FOXN3: variants seen among roughly 807,000 people sequenced by gnomAD.
FOXN3 encodes the protein forkhead box N3.
Under a neutral mutation model 38.4 loss-of-function variants are expected in FOXN3, and 7 were observed. The ratio of observed to expected loss-of-function variants is 0.18; its 90% confidence interval spans 0.10 to 0.34. The LOEUF (loss-of-function observed/expected upper bound fraction) is 0.34, where lower values mean the gene tolerates loss of function less well. Among genes scored for constraint, FOXN3 ranks in the 10% least tolerant of loss-of-function variants. FOXN3 has a pLI of 1.00. For missense variants in FOXN3, 456 were observed against 613.4 expected, an observed-to-expected ratio of 0.74 and a Z score of 2.71; for synonymous variants, 230 against 242.2, an observed-to-expected ratio of 0.95 and a Z score of 0.47.
At chr14:89,572,683 A>G (rs1325214391) in intron 1 of FOXN3, among the ~76,000 whole-genome samples, 1 of 152,274 alleles carries the variant, frequency 6.6e-6, no homozygotes, top group East Asian at 1.9e-4. Flanking sequence ...ACAAAGATGC[A>G]GAGTGCTGGT....
At chr14:89,363,987 T>TATATATATATATATATATATATATAA (rs1890041958) in intron 2 of FOXN3, among the ~76,000 whole-genome samples, 2 of 67,172 alleles carry the variant, frequency 3.0e-5, no homozygotes, top group African/African-American at 7.7e-5. Flanking sequence ...TATATATATA[T>TATATATATATATATATATATATATAA]AATATATATA....
chr14:89,582,267 C>T (rs575617484), intron 1 of FOXN3, among the ~76,000 whole-genome samples: 2 of 152,272 alleles, frequency 1.3e-5, no homozygotes, highest in Admixed American at 6.5e-5. Context: ...ACACATCAGA[C>T]GCCCCAAACT....
intron 1 of FOXN3, among the ~76,000 whole-genome samples, chr14:89,549,116 C>CT (rs1303069133): frequency 7.1e-6 from 1 of 141,042 alleles, no homozygotes; most frequent in Non-Finnish European, 1.5e-5. Context: ...GAGACTCCAT[C>CT]TAAAAAAAAA....
chr14:89,571,461 A>T lies in FOXN3; in HGVS notation c.-15+47567T>A, dbSNP rs906771779. ...GAGGTGGAGGTTGCAGCGAGCCGAG[A>T]TTGTGCCACTACACTCCAGCCTGGG... On this transcript the variant is annotated intron_variant, in intron 1 of 6. Transcript: ENST00000345097. Among the ~76,000 whole-genome samples the T allele has an allele frequency of 3.3e-5, 5 of 151,388 alleles. No individual in the cohort carries two copies. The South Asian group carries it at 6.3e-4, about 19-fold the overall frequency.
chr14:89,299,448 T>A (rs1887150565), intron 3 of FOXN3, among the ~76,000 whole-genome samples: 1 of 152,240 alleles, frequency 6.6e-6, no homozygotes, highest in Non-Finnish European at 1.5e-5. Flanking sequence ...ATCAGCAGCA[T>A]GAGAACAGAC....
chr14:89,505,819 T>C (rs1893909944), intron 1 of FOXN3, among the ~76,000 whole-genome samples: 1 of 150,390 alleles, frequency 6.6e-6, no homozygotes, highest in Admixed American at 6.6e-5. Flanking sequence ...CCATCCCATC[T>C]AGGAAGTGAG....
chr14:89,267,459 G>C (rs1301362974), intron 4 of FOXN3, among the ~76,000 whole-genome samples: 3 of 152,192 alleles, frequency 2.0e-5, no homozygotes, highest in Non-Finnish European at 4.4e-5. Context: ...CGGTGCTCTG[G>C]CTGGGGGAGG....
At chr14:89,395,332 C>T (rs1891072197) in intron 2 of FOXN3, among the ~76,000 whole-genome samples, 1 of 152,158 alleles carries the variant, frequency 6.6e-6, no homozygotes, top group Non-Finnish European at 1.5e-5. Flanking sequence ...AGAAGGTTTA[C>T]TGAATTGAAT....
Position 89,178,929 on chromosome 14 carries a change from C to T in FOXN3, c.851+1772G>A, listed in dbSNP as rs750252539. Among the ~76,000 whole-genome samples the T allele has an allele frequency of 7.9e-5, 12 of 152,216 alleles. No homozygotes were observed. The South Asian group carries it at 1.0e-3, about 13-fold the overall frequency. On this transcript the variant is annotated intron_variant, in intron 5 of 5. Transcript: ENST00000557258. The stretch of plus-strand genomic sequence containing the variant: ...CTGCTAATAAAAATACATTGTTGCT[C>T]CAAGCAAAAATAGTTCACAGTCTCC...
chr14:89,396,137 A>C (rs1891092869), intron 2 of FOXN3, among the ~76,000 whole-genome samples: 1 of 152,256 alleles, frequency 6.6e-6, no homozygotes, highest in Non-Finnish European at 1.5e-5. Context: ...TATAGGTTAA[A>C]GCATACTCTC....
intron 1 of FOXN3, among the ~76,000 whole-genome samples, chr14:89,544,609 A>G (rs2139853309): frequency 6.6e-6 from 1 of 152,304 alleles, no homozygotes; most frequent in Admixed American, 6.5e-5. Context: ...ATCAGGACAT[A>G]AAGTAAAATG....
At chr14:89,358,669 CA>C (rs1471380392) in intron 2 of FOXN3, among the ~76,000 whole-genome samples, 1 of 152,196 alleles carries the variant, frequency 6.6e-6, no homozygotes, top group Admixed American at 6.5e-5. Context: ...AATTAGAATA[CA>C]TGGGTCCTCA....
At chr14:89,300,722 C>T (rs1290900235) in intron 3 of FOXN3, among the ~76,000 whole-genome samples, 1 of 152,198 alleles carries the variant, frequency 6.6e-6, no homozygotes, top group East Asian at 1.9e-4. Flanking sequence ...GATCTAAATG[C>T]TGTATCAGGA....
intron 4 of FOXN3, among the ~76,000 whole-genome samples, chr14:89,277,774 C>T (rs1886342862): frequency 6.6e-6 from 1 of 152,178 alleles, no homozygotes; most frequent in African/African-American, 2.4e-5. Context: ...TTCAACTTTG[C>T]TTCAGGTTTT....
chr14:89,478,055 G>A (rs1215397219), intron 1 of FOXN3, among the ~76,000 whole-genome samples: 2 of 152,176 alleles, frequency 1.3e-5, no homozygotes, highest in South Asian at 2.1e-4. Context: ...GCCTGGTGGA[G>A]GTGTCTGGGT....
At chr14:89,352,540 T>A (rs1889020408) in intron 2 of FOXN3, among the ~76,000 whole-genome samples, 1 of 152,128 alleles carries the variant, frequency 6.6e-6, no homozygotes, top group African/African-American at 2.4e-5. Context: ...CATCAAAGGC[T>A]CCCGGTGGAG....
rs925463110 is a variant in FOXN3 at position 89,517,556 on chromosome 14, C to T, written c.-15+101472G>A. Among the ~76,000 whole-genome samples the T allele has an allele frequency of 3.3e-5, 5 of 152,020 alleles. No homozygotes were observed. The East Asian group carries it at 5.8e-4, about 18-fold the overall frequency. On this transcript the variant is annotated intron_variant, in intron 1 of 6. Transcript: ENST00000345097. Reference sequence around the variant, plus strand: ...CACACTTTTAAACGATCAGATCTCACGAGCACTTACTCACTATAACAAGAG... The same window carrying T: ...CACACTTTTAAACGATCAGATCTCATGAGCACTTACTCACTATAACAAGAG...
chr14:89,253,363 T>C (rs537614691), intron 4 of FOXN3, among the ~76,000 whole-genome samples: 56 of 152,228 alleles, frequency 3.7e-4, no homozygotes, highest in African/African-American at 1.3e-3. Context: ...GGCCAGCACG[T>C]CTTTGCATGG....
At chr14:89,233,619 AAC>A (rs1884887530) in intron 4 of FOXN3, among the ~76,000 whole-genome samples, 2 of 152,158 alleles carry the variant, frequency 1.3e-5, no homozygotes, top group South Asian at 4.2e-4. Context: ...ACTCCCAGTA[AAC>A]ACAGTCTAAT....
Sources: allele counts gnomAD v4.1 joint callset (sites outside exome capture counted in the v4.1 genomes callset), GRCh38; gene constraint gnomAD v4.1.1; transcripts MANE v1.5; gene names NCBI Gene and HGNC (gene_info 2026-07-23, HGNC 2026-07-21).